The following MTHFD1 variants were observed in gnomAD, a reference collection of about 807,000 sequenced individuals.
MTHFD1 encodes the protein methylenetetrahydrofolate dehydrogenase, cyclohydrolase and formyltetrahydrofolate synthetase 1.
MTHFD1 carries 44 observed loss-of-function variants against 110.3 expected under a neutral mutation model. That is an observed-to-expected ratio of 0.40 (90% confidence interval 0.31 to 0.51). The LOEUF (loss-of-function observed/expected upper bound fraction) is 0.51. Ranked by LOEUF, MTHFD1 falls within the 20% of genes least tolerant of loss-of-function variation. The pLI is 0.60. For missense variants in MTHFD1, 909 were observed against 1,173.1 expected, an observed-to-expected ratio of 0.77 and a Z score of 3.29; for synonymous variants, 402 against 428.8, an observed-to-expected ratio of 0.94 and a Z score of 0.77.
intron 18 of MTHFD1, 145 bp from the exon 19 acceptor site, chr14:64,441,240 A>C: frequency 1.3e-6 from 1 of 791,714 alleles, no homozygotes; most frequent in East Asian, 2.5e-5. Flanking sequence ...TATCCAGAAA[A>C]AAACCATGAA....
chr14:64,440,109 C>G lies in MTHFD1; in HGVS notation c.1675-17C>G. 1 of 1,609,834 alleles carries G rather than the reference C, an allele frequency of 6.2e-7. No individual in the cohort carries two copies. The highest frequency in any genetic ancestry group is 8.5e-7 in the Non-Finnish European group (1 of 1,177,668). On this transcript the variant is annotated splice_polypyrimidine_tract_variant and intron_variant, in intron 17 of 27. Transcript: ENST00000652337. ...TAACACAAAGTTTTTGCTAGTACCTCTTTTCCCTGCCCACAGGCCCAGTTT... is the reference window on the plus strand; with the variant it reads ...TAACACAAAGTTTTTGCTAGTACCTGTTTTCCCTGCCCACAGGCCCAGTTT...
intron 7 of MTHFD1, 135 bp downstream of exon 7, chr14:64,418,159 A>C: frequency 8.6e-7 from 1 of 1,168,416 alleles, no homozygotes; most frequent in Non-Finnish European, 1.2e-6. Flanking sequence ...ACAAATTCAA[A>C]TTAAAGGCTG....
chr14:64,425,989 C>T lies in MTHFD1; in HGVS notation c.954-30C>T, dbSNP rs2078115447. The T allele has an allele frequency of 2.5e-6, 4 of 1,612,540 alleles. No homozygotes were observed. The South Asian group carries it at 3.3e-5, about 13-fold the overall frequency. On this transcript the variant is annotated intron_variant, in intron 10 of 27. Coordinates refer to ENST00000652337, the MANE Select transcript of MTHFD1 (RefSeq NM_005956.4). ...GGATTAATTAAACTCAGTGGATAAA[C>T]ATTAATACCTATTTTCTATGTTTCC...
chr14:64,397,314 A>G, intron 1 of MTHFD1, among the ~76,000 whole-genome samples: 1 of 146,136 alleles, frequency 6.8e-6, no homozygotes. Flanking sequence ...TTGTTTTGAG[A>G]CGGAGTCTCA....
chr14:64,441,790 G>A (rs140845799), intron 19 of MTHFD1: 15,528 of 562,166 alleles, frequency 0.028, 405 homozygotes, highest in African/African-American at 0.1. Context: ...GCGACAGAGC[G>A]AGACTCCGTG....
At chr14:64,426,321 A>G in intron 11 of MTHFD1, 129 bp downstream of exon 11, 1 of 995,324 alleles carries the variant, frequency 1.0e-6, no homozygotes, top group East Asian at 2.5e-5. Context: ...CCCGTATTTG[A>G]TCTCATTTGA....
intron 2 of MTHFD1, among the ~76,000 whole-genome samples, chr14:64,407,544 C>CT (rs1252450612): frequency 0.02 from 1,277 of 65,050 alleles, 50 homozygotes; most frequent in African/African-American, 0.054. Flanking sequence ...CTCACTCTCT[C>CT]TCTTTTTTTT....
chr14:64,451,302 A>G (rs1253377372), intron 24 of MTHFD1, among the ~76,000 whole-genome samples: 1 of 152,166 alleles, frequency 6.6e-6, no homozygotes, highest in Non-Finnish European at 1.5e-5. Context: ...GATTATAGGC[A>G]TGAGCCAATG....
chr14:64,437,839 G>T (rs2078218183), intron 16 of MTHFD1, among the ~76,000 whole-genome samples: 2 of 152,120 alleles, frequency 1.3e-5, no homozygotes, highest in Non-Finnish European at 2.9e-5. Flanking sequence ...ACCTGGATGT[G>T]TTCACCAGCC....
At position 64,417,604 on chromosome 14, in the gene MTHFD1, C is replaced by T. The variant is rs1458504578; in HGVS notation, c.479-284C>T. ...AGCTGTATGTCAGGGTTTCTTTTTT[C>T]TTTGAGTGTAGGTTTTCTTCCCACT... On this transcript the variant is annotated intron_variant, in intron 6 of 27. Coordinates refer to ENST00000652337, the MANE Select transcript of MTHFD1 (RefSeq NM_005956.4). This position sits in a 1 kb window ranked among gnomAD's most constrained non-coding sequence, Gnocchi z 4.4. Among the ~76,000 whole-genome samples the T allele has an allele frequency of 6.6e-6, 1 of 151,984 alleles. No homozygotes were observed. The highest frequency in any genetic ancestry group is 1.5e-5 in the Non-Finnish European group (1 of 67,970).
At chr14:64,444,809 T>A in intron 22 of MTHFD1, 75 bp downstream of exon 22, 2 of 1,518,468 alleles carry the variant, frequency 1.3e-6, no homozygotes, top group Non-Finnish European at 1.8e-6. Flanking sequence ...ACCTGGCCCA[T>A]GTGGAAATGA....
intron 3 of MTHFD1, among the ~76,000 whole-genome samples, chr14:64,411,965 A>G (rs557950391): frequency 4.4e-4 from 67 of 152,106 alleles, no homozygotes; most frequent in African/African-American, 1.4e-3. Flanking sequence ...TGCATTTTAC[A>G]TAAGATAACA....
In MTHFD1 at chr14:64,417,926, C is replaced by T. The variant is rs141210410; in HGVS notation, c.517C>T (p.Arg173Cys). Residue 173 changes from arginine (R) to cysteine (C), a missense_variant, in exon 7 of 28, where the codon CGC (arginine) becomes TGC (cysteine). Coordinates refer to ENST00000652337, the MANE Select transcript of MTHFD1 (RefSeq NM_005956.4). This position sits in a 1 kb window ranked among gnomAD's most constrained non-coding sequence, Gnocchi z 4.4. Reference sequence around the variant, plus strand: ...CGGAAGGCATGCTGTGGTGGTTGGGCGCAGTAAAATAGTTGGGGCCCCGAT... The same window carrying T: ...CGGAAGGCATGCTGTGGTGGTTGGGTGCAGTAAAATAGTTGGGGCCCCGAT... ...IAGRHAVVVG[R>C]SKIVGAPMHD... The T allele has an allele frequency of 9.4e-5, 151 of 1,613,076 alleles. No individual in the cohort carries two copies. Among genetic ancestry groups the T allele is most frequent in the Non-Finnish European group, 1.1e-4 (127 of 1,179,986 alleles).
chr14:64,406,196 G>T (rs934492664), intron 2 of MTHFD1, among the ~76,000 whole-genome samples: 1 of 150,990 alleles, frequency 6.6e-6, no homozygotes, highest in African/African-American at 2.4e-5. Context: ...GTTCCACCAC[G>T]CCTGGCTAAT....
intron 8 of MTHFD1, among the ~76,000 whole-genome samples, chr14:64,421,192 G>A (rs1219866298): frequency 1.3e-5 from 2 of 151,950 alleles, no homozygotes; most frequent in Non-Finnish European, 2.9e-5. Flanking sequence ...CATAGAACAT[G>A]TGTATTGTAT....
intron 27 of MTHFD1, 54 bp downstream of exon 27, chr14:64,458,361 G>GA: frequency 9.1e-7 from 1 of 1,094,288 alleles, no homozygotes; most frequent in Admixed American, 1.7e-5. Context: ...GCTTATTTAT[G>GA]AATTATAGGG....
chr14:64,390,384 G>A (rs1027336559), intron 1 of MTHFD1: 2 of 146,346 alleles, frequency 1.4e-5, no homozygotes, highest in African/African-American at 5.1e-5. Context: ...GTCTTGCTGT[G>A]TCCAATCTTG....
intron 15 of MTHFD1, among the ~76,000 whole-genome samples, chr14:64,433,474 G>A (rs370168942): frequency 2.0e-5 from 3 of 152,038 alleles, no homozygotes; most frequent in African/African-American, 4.8e-5. Context: ...CTGGAGTGCC[G>A]TGGTGCAATC....
intron 1 of MTHFD1, 114 bp downstream of exon 1, chr14:64,388,582 C>T (rs1204765835): frequency 3.2e-6 from 3 of 925,982 alleles, no homozygotes; most frequent in Non-Finnish European, 5.3e-6. Context: ...AAGAGTTAGG[C>T]CCATAACACC....
Sources: allele counts gnomAD v4.1 joint callset (sites outside exome capture counted in the v4.1 genomes callset), GRCh38; gene constraint gnomAD v4.1.1; non-coding constraint Gnocchi (gnomAD v3.1); transcripts MANE v1.5; gene names NCBI Gene and HGNC (gene_info 2026-07-23, HGNC 2026-07-21).